ADH7: variants seen among roughly 807,000 people sequenced by gnomAD.
ADH7 encodes the protein alcohol dehydrogenase 7 (class IV), mu or sigma polypeptide.
In ADH7, 41 loss-of-function variants were observed where a neutral mutation model predicts 34.4. The ratio of observed to expected loss-of-function variants is 1.19; its 90% CI spans 0.93 to 1.55. ADH7 has a LOEUF of 1.55. ADH7 is among the 40% of genes most tolerant of loss of function. The pLI, the probability that ADH7 is intolerant of heterozygous loss-of-function variation, is 0.00. For missense variants in ADH7, 540 were observed against 461.2 expected (o/e 1.17, Z -1.56); for synonymous variants, 180 against 160.9 (o/e 1.12, Z -0.90).
chr4:99,418,699 T>C (rs916060920), intron 7 of ADH7, among the ~76,000 whole-genome samples: 5 of 152,174 alleles, frequency 3.3e-5, no homozygotes, highest in Non-Finnish European at 7.3e-5. Flanking sequence ...AATCGGAACT[T>C]CCTGTTACAT....
intron 8 of ADH7, among the ~76,000 whole-genome samples, chr4:99,415,045 T>C (rs909288255): frequency 2.6e-5 from 4 of 152,184 alleles, no homozygotes; most frequent in South Asian, 2.1e-4. Context: ...GTGGAGGTAA[T>C]TGAATCATGG....
intron 7 of ADH7, among the ~76,000 whole-genome samples, chr4:99,417,566 G>A (rs1045739211): frequency 6.6e-6 from 1 of 152,000 alleles, no homozygotes; most frequent in Non-Finnish European, 1.5e-5. Flanking sequence ...ATTATCCTTT[G>A]CACTTGTAAC....
chr4:99,423,330 A>G (rs1304122361), intron 5 of ADH7, among the ~76,000 whole-genome samples: 3 of 151,160 alleles, frequency 2.0e-5, no homozygotes, highest in African/African-American at 7.3e-5. Context: ...TAGTGCCGCA[A>G]TAAACATACG....
intron 1 of ADH7, among the ~76,000 whole-genome samples, chr4:99,431,080 G>C (rs1579581097): frequency 6.6e-6 from 1 of 152,178 alleles, no homozygotes; most frequent in East Asian, 1.9e-4. Flanking sequence ...TTACAGGTGT[G>C]AGCCACTGTG....
Position 99,429,565 on chromosome 4 carries a change from A to T in ADH7, c.87T>A (p.Val29=), listed in dbSNP as rs745403302. The T allele has an allele frequency of 1.2e-6, 2 of 1,612,372 alleles. No individual in the cohort carries two copies. The highest frequency in any genetic ancestry group is 4.5e-5 in the East Asian group (2 of 44,864). Reference sequence around the variant, plus strand: ...GAACTTCTTTAGTCTTTGGTGGGGCAACTTCTATTTCCTCAATGGAGAAGG... The same window carrying T: ...GAACTTCTTTAGTCTTTGGTGGGGCTACTTCTATTTCCTCAATGGAGAAGG... ...KQPFSIEEIE[V]APPKTKEVRI... The change falls in exon 2 of 9, where the codon GTT becomes GTA. Residue 29 remains valine (V), a synonymous_variant. Transcript: ENST00000437033.
intron 8 of ADH7, 100 bp downstream of exon 8, chr4:99,415,378 A>G (rs778653945): frequency 1.6e-6 from 2 of 1,245,620 alleles, no homozygotes; most frequent in Non-Finnish European, 2.3e-6. Flanking sequence ...TAGATTAAAT[A>G]ATTAGAAATA....
At chr4:99,426,492 C>T (rs1721808189) in intron 5 of ADH7, among the ~76,000 whole-genome samples, 1 of 152,142 alleles carries the variant, frequency 6.6e-6, no homozygotes, top group Non-Finnish European at 1.5e-5. Context: ...CACATACACC[C>T]TCCCAAGACT....
At chr4:99,424,463 C>T (rs1006888041) in intron 5 of ADH7, among the ~76,000 whole-genome samples, 5 of 152,242 alleles carry the variant, frequency 3.3e-5, no homozygotes, top group Non-Finnish European at 7.4e-5. Flanking sequence ...TATAAATTAC[C>T]TTGGGCAGTA....
At chr4:99,427,430 T>C (rs1721834732) in intron 5 of ADH7, among the ~76,000 whole-genome samples, 1 of 152,082 alleles carries the variant, frequency 6.6e-6, no homozygotes, top group Non-Finnish European at 1.5e-5. Context: ...AAACTAGGAG[T>C]AAAAGCTCTG....
At chr4:99,422,597 G>A (rs1254357597) in intron 5 of ADH7, among the ~76,000 whole-genome samples, 8 of 151,868 alleles carry the variant, frequency 5.3e-5, no homozygotes, top group East Asian at 1.9e-4. Flanking sequence ...AAACCTGCAC[G>A]CTCTGCACAT....
chr4:99,424,607 T>C (rs1420956629), intron 5 of ADH7, among the ~76,000 whole-genome samples: 3 of 152,186 alleles, frequency 2.0e-5, no homozygotes, highest in Non-Finnish European at 4.4e-5. Context: ...CCCTTGTAAG[T>C]TGGATTCCTA....
intron 1 of ADH7, among the ~76,000 whole-genome samples, chr4:99,434,704 G>A (rs989900165): frequency 1.3e-5 from 2 of 151,998 alleles, no homozygotes; most frequent in Non-Finnish European, 2.9e-5. Flanking sequence ...TATATATTTT[G>A]ATAAAAATTA....
intron 5 of ADH7, among the ~76,000 whole-genome samples, chr4:99,423,485 G>T (rs1471038849): frequency 6.6e-6 from 1 of 151,318 alleles, no homozygotes; most frequent in Admixed American, 6.6e-5. Flanking sequence ...CTAGTTTACA[G>T]TCCCACCAAC....
At position 99,417,296 on chromosome 4, in the gene ADH7, C is replaced by T. The variant is rs374944616; in HGVS notation, c.962-1680G>A. The stretch of plus-strand genomic sequence containing the variant: ...CCATATAATTTAAGGTCCTCTGACC[C>T]CAGCTGTGACTGTTCTTCTGTCCTC... On this transcript the variant is annotated intron_variant, in intron 7 of 8. Transcript: ENST00000437033. 4.6e-5 allele frequency among the ~76,000 whole-genome samples: 7 copies of T among 152,236 alleles called. No individual in the cohort carries two copies. In the South Asian group the frequency reaches 1.0e-3, roughly 23 times the overall value.
chr4:99,432,289 G>C (rs1004939537), intron 1 of ADH7, among the ~76,000 whole-genome samples: 2 of 152,056 alleles, frequency 1.3e-5, no homozygotes, highest in African/African-American at 2.4e-5. Context: ...ACAAAGAAAA[G>C]AACAATGGAC....
chr4:99,432,687 T>C (rs1257125366), intron 1 of ADH7: 1 of 152,134 alleles, frequency 6.6e-6, no homozygotes, highest in East Asian at 1.9e-4. Context: ...ATACCACACT[T>C]ACATCCTGGG....
chr4:99,425,354 G>A (rs1287005740), intron 5 of ADH7, among the ~76,000 whole-genome samples: 1 of 152,048 alleles, frequency 6.6e-6, no homozygotes, highest in African/African-American at 2.4e-5. Flanking sequence ...AAAATAAAAG[G>A]ATGGAGGAAG....
At chr4:99,425,107 G>T (rs930074922) in intron 5 of ADH7, among the ~76,000 whole-genome samples, 3 of 151,970 alleles carry the variant, frequency 2.0e-5, no homozygotes, top group African/African-American at 7.2e-5. Flanking sequence ...GCAAAATCAT[G>T]CCAAAATGTA....
At chr4:99,424,692 G>C (rs1308386921) in intron 5 of ADH7, among the ~76,000 whole-genome samples, 1 of 151,828 alleles carries the variant, frequency 6.6e-6, no homozygotes, top group African/African-American at 2.4e-5. Flanking sequence ...TTATTGGTGT[G>C]TAAGAATGCT....
Sources: gnomAD v4.1 joint callset for allele counts (sites outside exome capture counted in the v4.1 genomes callset) on GRCh38, gnomAD v4.1.1 for gene constraint, MANE v1.5 for transcripts, NCBI Gene and HGNC (gene_info 2026-07-23, HGNC 2026-07-21) for gene names.